DMD: variants seen among roughly 807,000 people sequenced by gnomAD.
DMD encodes the protein mutant dystrophin.
DMD carries 63 observed loss-of-function variants against 330.1 expected under a neutral mutation model. The observed-to-expected ratio is 0.19, with a 90% confidence interval of 0.16 to 0.24. DMD has a LOEUF of 0.24. Ranked by LOEUF, DMD falls within the 10% of genes least tolerant of loss-of-function variation. DMD has a pLI of 1.00. For missense variants in DMD, 3,344 were observed against 2,684.1 expected (o/e 1.25, Z -5.43); for synonymous variants, 1,223 against 959.8 (o/e 1.27, Z -5.07).
chrX:31,165,397 C>G (rs1474162354), intron 74 of DMD, among the ~76,000 whole-genome samples: 2 of 112,102 alleles, frequency 1.8e-5, no homozygotes, highest in Admixed American at 1.9e-4. Context: ...TAACTTTAGA[C>G]TTTATGGTGA....
intron 15 of DMD, among the ~76,000 whole-genome samples, chrX:32,566,890 CA>C (rs955269890): frequency 1.1e-4 from 12 of 112,127 alleles, no homozygotes; most frequent in African/African-American, 3.9e-4. Flanking sequence ...AGCCACTTAA[CA>C]ACCCCATATT....
intron 47 of DMD, among the ~76,000 whole-genome samples, chrX:31,912,541 T>C (rs772041665): frequency 2.2e-4 from 25 of 111,980 alleles, no homozygotes; most frequent in Non-Finnish European, 3.8e-4. Context: ...ACACACTTAT[T>C]TCTTCTTGGC....
chrX:32,767,662 T>A (rs1158074879), intron 7 of DMD, among the ~76,000 whole-genome samples: 1 of 111,799 alleles, frequency 8.9e-6, no homozygotes, highest in African/African-American at 3.2e-5. Context: ...GCCCATTTTC[T>A]CATCTGGAAT....
intron 56 of DMD, among the ~76,000 whole-genome samples, chrX:31,502,043 T>C (rs2070455323): frequency 9.0e-6 from 1 of 111,149 alleles, no homozygotes; most frequent in Non-Finnish European, 1.9e-5. Flanking sequence ...CTTCAACAAA[T>C]GGTGCGGAAA....
At position 31,121,949 on chromosome X, in the gene DMD, GAAAGACAGACTT is replaced by G; in HGVS notation, c.11047-31_11047-20del. Reference sequence around the variant, plus strand: ...TTGTGTCCTGGAAAACAAAGAGAAAGAAAGACAGACTTTACAAAAGGTGCAGATAGATAGCAT... The same window carrying G: ...TTGTGTCCTGGAAAACAAAGAGAAAGTACAAAAGGTGCAGATAGATAGCAT... On this transcript the variant is annotated intron_variant, in intron 78 of 78. Transcript: ENST00000357033. The G allele has an allele frequency of 1.8e-6, 2 of 1,129,386 alleles. No homozygotes were observed. Among genetic ancestry groups the G allele is most frequent in the Middle Eastern group, 4.8e-4 (2 of 4,161 alleles). 93.1% of individuals were successfully genotyped at this position (1,129,386 alleles called of 1,213,427 possible). A position where few individuals can be genotyped will look rare whatever the true frequency, so the allele number is the denominator to read the frequency against.
At chrX:31,740,089 T>C (rs951911110) in intron 51 of DMD, among the ~76,000 whole-genome samples, 11 of 110,880 alleles carry the variant, frequency 9.9e-5, no homozygotes, top group Admixed American at 3.9e-4. Context: ...AGCCAGTAAG[T>C]AAATAATGTG....
Position 31,260,967 on chromosome X carries a change from A to C in DMD, c.9274T>G (p.Tyr3092Asp). The change falls in exon 63 of 79, where the codon TAC becomes GAC. Residue 3092 changes from tyrosine to aspartate, a missense_variant. Tyr to Asp is a radical substitution (Grantham distance 160). Transcript: ENST00000357033. ...CWDHPKMTEL[Y>D]QSLADLNNVR... is the part of the protein sequence containing the mutation. Reference sequence around the variant, plus strand: ...GCCATGTCCTTACCTAAAGACTGGTAGAGCTCTGTCATTTTGGGATGGTCC... The same window carrying C: ...GCCATGTCCTTACCTAAAGACTGGTCGAGCTCTGTCATTTTGGGATGGTCC... 1 of 1,210,473 alleles carries C rather than the reference A, an allele frequency of 8.3e-7. No individual in the cohort carries two copies. The highest frequency in any genetic ancestry group is 1.1e-6 in the Non-Finnish European group (1 of 894,306).
chrX:31,547,982 C>T (rs938205646), intron 55 of DMD, among the ~76,000 whole-genome samples: 1 of 111,773 alleles, frequency 8.9e-6, no homozygotes, highest in Non-Finnish European at 1.9e-5. Flanking sequence ...GGTTTGAATT[C>T]GATTTGCATG....
intron 7 of DMD, among the ~76,000 whole-genome samples, chrX:32,719,670 G>C (rs1428072430): frequency 2.7e-5 from 3 of 111,539 alleles, no homozygotes; most frequent in East Asian, 2.8e-4. Context: ...ATTAAATGTA[G>C]ACTTACTTTT....
At chrX:31,202,386 G>A (rs1453924371) in intron 67 of DMD, among the ~76,000 whole-genome samples, 1 of 111,825 alleles carries the variant, frequency 8.9e-6, no homozygotes. Context: ...CATTTTGGAA[G>A]GTTTGGGTAT....
intron 63 of DMD, among the ~76,000 whole-genome samples, chrX:31,233,448 T>C (rs1354364012): frequency 9.0e-6 from 1 of 111,076 alleles, no homozygotes; most frequent in African/African-American, 3.3e-5. Flanking sequence ...TGATCAGATG[T>C]GACTTAATTC....
chrX:32,156,535 A>G (rs1382418221), intron 44 of DMD, among the ~76,000 whole-genome samples: 1 of 111,003 alleles, frequency 9.0e-6, no homozygotes, highest in Non-Finnish European at 1.9e-5. Context: ...TCAGTGAATG[A>G]ATAGCACACT....
intron 1 of DMD, among the ~76,000 whole-genome samples, chrX:33,325,895 G>A (rs1469647571): frequency 9.0e-6 from 1 of 111,371 alleles, no homozygotes; most frequent in Non-Finnish European, 1.9e-5. Flanking sequence ...ATTATTTTAG[G>A]TGATGATTCC....
chrX:32,746,932 A>G (rs2070104312), intron 7 of DMD, among the ~76,000 whole-genome samples: 1 of 111,634 alleles, frequency 9.0e-6, no homozygotes, highest in South Asian at 3.7e-4. Flanking sequence ...CAAACTTTTT[A>G]GCTCTAACAT....
chrX:32,406,408 T>C lies in DMD; in HGVS notation c.4233+5344A>G, dbSNP rs760435229. Among the ~76,000 whole-genome samples the C allele has an allele frequency of 3.8e-3, 422 of 109,783 alleles. 1 individual carries two copies. Among genetic ancestry groups the C allele is most frequent in the African/African-American group, 0.014 (395 of 29,152 alleles). ...GTGGGTTCATCATAGATAGCTCTTA[T>C]TATTTTGAGATTTGTCCCATCAATA... On this transcript the variant is annotated intron_variant, in intron 30 of 78. Transcript: ENST00000357033.
At chrX:33,132,173 T>C (rs1303268704) in intron 1 of DMD, among the ~76,000 whole-genome samples, 4 of 112,325 alleles carry the variant, frequency 3.6e-5, no homozygotes, top group Non-Finnish European at 7.5e-5. Context: ...ACATTTTCGT[T>C]GGCAGTGAAG....
In DMD at chrX:32,334,259, G is replaced by A. The variant is rs1046958835; in HGVS notation, c.5922+7841C>T. ...ATTCTACAAACAGCTACATCCTGGTGCAACATTTCCCTTAACAACCATTAT... is the reference window on the plus strand; with the variant it reads ...ATTCTACAAACAGCTACATCCTGGTACAACATTTCCCTTAACAACCATTAT... On this transcript the variant is annotated intron_variant, in intron 41 of 78. Transcript: ENST00000357033. Among the ~76,000 whole-genome samples, 16 of 111,619 alleles carry A rather than the reference G, an allele frequency of 1.4e-4. No homozygotes were observed. In the South Asian group the frequency reaches 5.9e-3, roughly 41 times the overall value.
chrX:32,349,829 G>C (rs1209321417), intron 37 of DMD, among the ~76,000 whole-genome samples: 1 of 111,278 alleles, frequency 9.0e-6, no homozygotes, highest in Non-Finnish European at 1.9e-5. Context: ...ATGATCATTT[G>C]CCATTTGAAA....
At chrX:31,551,117 T>G (rs1005881568) in intron 55 of DMD, among the ~76,000 whole-genome samples, 1 of 102,907 alleles carries the variant, frequency 9.7e-6, no homozygotes, top group Non-Finnish European at 1.9e-5. Context: ...GAGGTGGAGG[T>G]TGCAGTGAGC....
Sources: allele counts gnomAD v4.1 joint callset (sites outside exome capture counted in the v4.1 genomes callset), GRCh38; gene constraint gnomAD v4.1.1; transcripts MANE v1.5; gene names NCBI Gene and HGNC (gene_info 2026-07-23, HGNC 2026-07-21).